SUCLG1: variants seen among roughly 807,000 people sequenced by gnomAD.
SUCLG1 encodes succinate--CoA ligase [ADP/GDP-forming] subunit alpha, mitochondrial.
SUCLG1 carries 26 observed loss-of-function variants against 37.3 expected under a neutral mutation model. That is an observed-to-expected ratio of 0.70 (90% CI 0.51 to 0.97). SUCLG1 has a LOEUF of 0.97. Among genes scored for constraint, SUCLG1 ranks in the 50% least tolerant of loss-of-function variants. The pLI is 0.00. For missense variants in SUCLG1, 433 were observed against 432.9 expected (o/e 1.00, Z 0.00); for synonymous variants, 163 against 155.6 (o/e 1.05, Z -0.36).
chr2:84,432,740 G>A (rs1052584711), intron 6 of SUCLG1: 1 of 152,310 alleles, frequency 6.6e-6, no homozygotes, highest in Non-Finnish European at 1.5e-5. Flanking sequence ...GAACTTGAAA[G>A]AATATTTATT....
rs537152480 is a variant in SUCLG1 at position 84,427,764 on chromosome 2, T to C, written c.826-2161A>G. ...TGCCAGTCATTCTTTCAAGTAAAATTGGTGTCCCATGAAAAGGGCAGCTAG... is the reference window on the plus strand; with the variant it reads ...TGCCAGTCATTCTTTCAAGTAAAATCGGTGTCCCATGAAAAGGGCAGCTAG... On this transcript the variant is annotated intron_variant, in intron 7 of 8. Coordinates refer to ENST00000393868, the MANE Select transcript of SUCLG1 (RefSeq NM_003849.4). Among the ~76,000 whole-genome samples, 11 of 152,332 alleles carry C rather than the reference T, an allele frequency of 7.2e-5. No individual in the cohort carries two copies. In the East Asian group the frequency reaches 2.1e-3, roughly 29 times the overall value.
intron 6 of SUCLG1, chr2:84,433,074 A>G: frequency 2.0e-6 from 1 of 494,966 alleles, no homozygotes; most frequent in Non-Finnish European, 3.6e-6. Flanking sequence ...ATTTCTTCAG[A>G]GCAATCAAAC....
At position 84,443,383 on chromosome 2, in the gene SUCLG1, C is replaced by T. The variant is rs1573371220; in HGVS notation, c.219G>A (p.Gln73=). The T allele has an allele frequency of 6.2e-7, 1 of 1,614,106 alleles. No homozygotes were observed. The highest frequency in any genetic ancestry group is 1.7e-5 in the Admixed American group (1 of 60,020). The stretch of plus-strand genomic sequence containing the variant: ...GTTTGGTGCCATATTCCAATGCCTG[C>T]TGGCTGTGAAAGGTGCCCTGAGGGG... The part of the protein sequence containing the change: ...FTGKQGTFHS[Q]QALEYGTKLV... The change falls in exon 3 of 9, where the codon CAG becomes CAA. Residue 73 remains glutamine (Q), a synonymous_variant. Coordinates refer to ENST00000393868, the MANE Select transcript of SUCLG1 (RefSeq NM_003849.4).
chr2:84,454,245 C>T (rs1672985988), intron 1 of SUCLG1, among the ~76,000 whole-genome samples: 1 of 152,178 alleles, frequency 6.6e-6, no homozygotes, highest in South Asian at 2.1e-4. Context: ...TATTTATAAA[C>T]ATACTAATCC....
intron 7 of SUCLG1, among the ~76,000 whole-genome samples, chr2:84,430,278 C>T (rs996521694): frequency 3.3e-5 from 5 of 152,142 alleles, no homozygotes; most frequent in African/African-American, 4.8e-5. Context: ...ATTTAAACTT[C>T]GCAGTCCTTA....
intron 1 of SUCLG1, among the ~76,000 whole-genome samples, chr2:84,458,966 C>T (rs955132415): frequency 2.6e-5 from 4 of 152,214 alleles, no homozygotes; most frequent in South Asian, 2.1e-4. Context: ...CATCTGCCAG[C>T]GGCCTAAGTC....
chr2:84,449,636 T>C lies in SUCLG1; in HGVS notation c.201+13A>G. The C allele has an allele frequency of 1.3e-6, 2 of 1,521,454 alleles. 1 individual carries two copies. The highest frequency in any genetic ancestry group is 2.4e-5 in the South Asian group (2 of 83,152). 94.2% of individuals were successfully genotyped at this position (1,521,454 alleles called of 1,614,324 possible). On this transcript the variant is annotated intron_variant, in intron 2 of 8. Transcript: ENST00000393868. ...TAGTCTACATTTGAAAATAAAAATC[T>C]AGATATACATACCTGTTTGCCAGTG...
intron 1 of SUCLG1, among the ~76,000 whole-genome samples, chr2:84,454,402 AAT>A (rs768896853): frequency 3.3e-5 from 5 of 152,234 alleles, no homozygotes; most frequent in Non-Finnish European, 7.3e-5. Flanking sequence ...ATGAGTTAGT[AAT>A]ATATAAAGCA....
At position 84,441,381 on chromosome 2, in the gene SUCLG1, T is replaced by A. The variant is rs575207227; in HGVS notation, c.397A>T (p.Ile133Phe). The change falls in exon 4 of 9, where the codon ATT (isoleucine) becomes TTT (phenylalanine). Residue 133 changes from isoleucine to phenylalanine, a missense_variant. Transcript: ENST00000393868. Reference protein sequence around the residue: ...PFAAAAINEAIEAEIPLVVCI... With the variant: ...PFAAAAINEAFEAEIPLVVCI... ...ACAACCAAGGGAATTTCTGCCTCAA[T>A]AGCTTCATTAATGGCAGCAGCAGCA... is the stretch of plus-strand genomic sequence containing the variant. 1.4e-5 allele frequency: 22 copies of A among 1,614,204 alleles called. No individual in the cohort carries two copies. In the South Asian group the frequency reaches 2.1e-4, roughly 15 times the overall value.
intron 1 of SUCLG1, among the ~76,000 whole-genome samples, chr2:84,453,489 A>G (rs1489220672): frequency 6.6e-6 from 1 of 151,794 alleles, no homozygotes; most frequent in Non-Finnish European, 1.5e-5. Flanking sequence ...ATCCCGGCTC[A>G]CTGCAACCTC....
chr2:84,445,060 C>T (rs1292009267), intron 2 of SUCLG1, among the ~76,000 whole-genome samples: 2 of 152,100 alleles, frequency 1.3e-5, no homozygotes, highest in African/African-American at 2.4e-5. Flanking sequence ...TCCTCCTCAG[C>T]TCACAAAGAT....
chr2:84,447,449 T>C (rs1214653701), intron 2 of SUCLG1, among the ~76,000 whole-genome samples: 1 of 152,164 alleles, frequency 6.6e-6, no homozygotes, highest in Non-Finnish European at 1.5e-5. Context: ...GCTTACACCA[T>C]GGGCAATGGT....
intron 6 of SUCLG1, 132 bp downstream of exon 6, chr2:84,433,220 A>C (rs1672635683): frequency 1.2e-6 from 1 of 830,394 alleles, no homozygotes; most frequent in African/African-American, 1.7e-5. Context: ...AGCAAATTAA[A>C]TTTGAGATCG....
intron 1 of SUCLG1, among the ~76,000 whole-genome samples, chr2:84,454,444 C>A (rs567427060): frequency 1.6e-4 from 25 of 152,122 alleles, no homozygotes; most frequent in African/African-American, 5.8e-4. Context: ...GTGTTATATC[C>A]CTAAGAGCTT....
chr2:84,446,254 A>G (rs568078924), intron 2 of SUCLG1, among the ~76,000 whole-genome samples: 2 of 152,338 alleles, frequency 1.3e-5, no homozygotes, highest in East Asian at 3.9e-4. Context: ...TAATATACTC[A>G]TTGATTTTGT....
chr2:84,425,832 T>C (rs1037545987), intron 7 of SUCLG1: 35 of 563,824 alleles, frequency 6.2e-5, no homozygotes, highest in Admixed American at 4.0e-4. Flanking sequence ...AATGTCCGTA[T>C]CTGTTCAATA....
chr2:84,424,710 T>C (rs1025377500), intron 8 of SUCLG1, among the ~76,000 whole-genome samples: 7 of 152,010 alleles, frequency 4.6e-5, no homozygotes, highest in African/African-American at 1.4e-4. Flanking sequence ...GGGTATACCA[T>C]CATAAAAATA....
rs2104245278 is a variant in SUCLG1, at chr2:84,433,452, T to C, written c.590-17A>G. ...ACACAATGCCTTAACGAAAGAGAATTCAAAAATATTAGATTGTGTTTCTAT... is the reference window on the plus strand; with the variant it reads ...ACACAATGCCTTAACGAAAGAGAATCCAAAAATATTAGATTGTGTTTCTAT... On this transcript the variant is annotated splice_polypyrimidine_tract_variant and intron_variant, in intron 5 of 8. Transcript: ENST00000393868. 1.9e-6 allele frequency: 3 copies of C among 1,606,974 alleles called. No homozygotes were observed. The highest frequency in any genetic ancestry group is 3.3e-4 in the Middle Eastern group (2 of 6,056).
chr2:84,447,739 AT>A (rs1012798982), intron 2 of SUCLG1, among the ~76,000 whole-genome samples: 29 of 151,020 alleles, frequency 1.9e-4, no homozygotes, highest in African/African-American at 7.0e-4. Context: ...CAGAATAAAC[AT>A]TTTTTTTTGA....
Sources: gnomAD v4.1 joint callset for allele counts (sites outside exome capture counted in the v4.1 genomes callset) on GRCh38, gnomAD v4.1.1 for gene constraint, MANE v1.5 for transcripts, NCBI Gene and HGNC (gene_info 2026-07-23, HGNC 2026-07-21) for gene names.